Variants in SLC25A25 observed in about 807,000 individuals in gnomAD.
SLC25A25 encodes the protein mitochondrial adenyl nucleotide antiporter SLC25A25.
SLC25A25 carries 32 observed loss-of-function variants against 57.7 expected under a neutral mutation model. The observed-to-expected ratio is 0.55, with a 90% CI of 0.42 to 0.74. The LOEUF (loss-of-function observed/expected upper bound fraction) is 0.74, where lower values mean the gene tolerates loss of function less well. SLC25A25 is among the 30% of genes least tolerant of loss of function. The pLI, the probability that SLC25A25 is intolerant of heterozygous loss-of-function variation, is 0.00. For missense variants in SLC25A25, 556 were observed against 701.3 expected, an observed-to-expected ratio of 0.79 and a Z score of 2.34; for synonymous variants, 306 against 291.2, an observed-to-expected ratio of 1.05 and a Z score of -0.52.
chr9:128,097,171 G>A (rs1039819568), intron 1 of SLC25A25, among the ~76,000 whole-genome samples: 8 of 152,202 alleles, frequency 5.3e-5, no homozygotes, highest in African/African-American at 9.6e-5. Flanking sequence ...ATATTAGGAA[G>A]TGGCGCACTG....
chr9:128,106,045 T>C (rs1381224313), intron 7 of SLC25A25, 105 bp from the exon 8 acceptor site: 1 of 1,548,468 alleles, frequency 6.5e-7, no homozygotes, highest in African/African-American at 1.4e-5. Flanking sequence ...GTTCCTTACA[T>C]TTCTGGGTAG....
At chr9:128,071,567 A>AT (rs369801313) in intron 1 of SLC25A25, among the ~76,000 whole-genome samples, 100,857 of 137,650 alleles carry the variant, frequency 0.73, 37,511 homozygotes, top group Non-Finnish European at 0.8. Context: ...CGCCCTGCTA[A>AT]TTTTTTTTTT....
rs902547857 is a variant in SLC25A25, at chr9:128,101,465, C to T, written c.476+69C>T. ...AGGGAAGGCTCTGAGACTAACCCTC[C>T]GATGCCATTCCCTGGGCTGACCCTG... On this transcript the variant is annotated intron_variant, in intron 3 of 10. Transcript: ENST00000373069. The surrounding 1 kb of genome is among the most constrained non-coding windows in gnomAD (Gnocchi z 4.9). 6.1e-5 allele frequency: 94 copies of T among 1,534,868 alleles called. No homozygotes were observed. Among genetic ancestry groups the T allele is most frequent in the Admixed American group, 2.8e-4 (16 of 56,260 alleles).
At chr9:128,091,590 C>T (rs1833408319) in intron 1 of SLC25A25, 1 of 1,105,914 alleles carries the variant, frequency 9.0e-7, no homozygotes, top group African/African-American at 1.6e-5. Context: ...TGCTCACCAT[C>T]ACCTGCAGAA....
Position 128,103,683 on chromosome 9 carries a change from C to A in SLC25A25, c.627C>A (p.Ile209=), listed in dbSNP as rs1348078574. The change falls in exon 6 of 11, where the codon ATC becomes ATA. Residue 209 remains isoleucine (I), a splice_region_variant and synonymous_variant. Coordinates refer to ENST00000373069, the MANE Select transcript of SLC25A25 (RefSeq NM_001330988.2). This position sits in a 1 kb window ranked among gnomAD's most constrained non-coding sequence, Gnocchi z 6.7. Reference sequence around the variant, plus strand: ...GCTTGTGCCATCTTTCCTCACAGATCTTTGATGTGGGTGAGAATCTAACGG... The same window carrying A: ...GCTTGTGCCATCTTTCCTCACAGATATTTGATGTGGGTGAGAATCTAACGG... ...EIILYWKHST[I]FDVGENLTVP... The A allele has an allele frequency of 6.2e-7, 1 of 1,614,076 alleles. No homozygotes were observed. Among genetic ancestry groups the A allele is most frequent in the African/African-American group, 1.3e-5 (1 of 74,936 alleles).
chr9:128,098,743 G>T lies in SLC25A25; in HGVS notation c.262-2353G>T, dbSNP rs575511708. On this transcript the variant is annotated intron_variant, in intron 1 of 10. Transcript: ENST00000373069. Reference sequence around the variant, plus strand: ...GGAAGCAGGTCTGTGGGGTGACCGCGCGGAAGGGAGAGGCGCATTCAACCG... The same window carrying T: ...GGAAGCAGGTCTGTGGGGTGACCGCTCGGAAGGGAGAGGCGCATTCAACCG... 20 of 1,612,654 alleles carry T rather than the reference G, an allele frequency of 1.2e-5. No homozygotes were observed. In the African/African-American group the frequency reaches 1.5e-4, roughly 12 times the overall value.
intron 1 of SLC25A25, among the ~76,000 whole-genome samples, chr9:128,084,452 C>T (rs1247865457): frequency 6.6e-6 from 1 of 151,998 alleles, no homozygotes; most frequent in Non-Finnish European, 1.5e-5. Flanking sequence ...CGTGAGCCAC[C>T]GCGCCTGGCC....
intron 1 of SLC25A25, among the ~76,000 whole-genome samples, chr9:128,084,414 C>T (rs1056069647): frequency 1.3e-5 from 2 of 152,180 alleles, no homozygotes; most frequent in Admixed American, 6.5e-5. Flanking sequence ...GCGCCCACCT[C>T]GGCCTCCCAA....
chr9:128,101,143 T>C lies in SLC25A25; in HGVS notation c.309T>C (p.Phe103=), dbSNP rs912290081. Residue 103 remains phenylalanine, a synonymous_variant, in exon 2 of 11, where the codon TTT becomes TTC. Transcript: ENST00000373069. This position sits in a 1 kb window ranked among gnomAD's most constrained non-coding sequence, Gnocchi z 4.9. ...GDKDLDGQLD[F]EEFVHYLQDH... Reference sequence around the variant, plus strand: ...AGGACCTTGATGGGCAGCTAGACTTTGAAGAATTTGTCCATTATCTCCAAG... The same window carrying C: ...AGGACCTTGATGGGCAGCTAGACTTCGAAGAATTTGTCCATTATCTCCAAG... 4.3e-6 allele frequency: 7 copies of C among 1,614,150 alleles called. No homozygotes were observed. The African/African-American group carries it at 9.3e-5, about 22-fold the overall frequency.
Position 128,108,843 on chromosome 9 carries a change from A to G in SLC25A25, c.*1399A>G, listed in dbSNP as rs1485180485. The G allele has an allele frequency of 2.6e-5, 4 of 152,178 alleles. No homozygotes were observed. The highest frequency in any genetic ancestry group is 1.9e-4 in the East Asian group (1 of 5,186). The allele number at this position is 152,178 out of a possible 1,614,324, so 9.4% of individuals were successfully genotyped here. ...AGGGTTTGACTGGGGGCGTGGAGAGAGAGGGAGGAACCTCAATAACCTTGA... is the reference window on the plus strand; with the variant it reads ...AGGGTTTGACTGGGGGCGTGGAGAGGGAGGGAGGAACCTCAATAACCTTGA... On this transcript the variant is annotated 3_prime_UTR_variant, in exon 11 of 11. Coordinates refer to ENST00000373069, the MANE Select transcript of SLC25A25 (RefSeq NM_001330988.2).
At chr9:128,087,768 T>C (rs1281991970) in intron 1 of SLC25A25, among the ~76,000 whole-genome samples, 2 of 152,362 alleles carry the variant, frequency 1.3e-5, no homozygotes, top group Non-Finnish European at 2.9e-5. Flanking sequence ...GAAGCTTCTA[T>C]TGCTGTGTCT....
intron 1 of SLC25A25, among the ~76,000 whole-genome samples, chr9:128,090,210 T>TTTTTTTG (rs778888024): frequency 4.0e-4 from 61 of 152,208 alleles, no homozygotes; most frequent in African/African-American, 1.3e-3. Flanking sequence ...CAAGTTGGTT[T>TTTTTTTG]TTTTTTGTTT....
intron 1 of SLC25A25, among the ~76,000 whole-genome samples, chr9:128,073,656 T>A (rs921280562): frequency 2.0e-5 from 3 of 152,208 alleles, no homozygotes; most frequent in Non-Finnish European, 2.9e-5. Context: ...TTGGATTAAA[T>A]TCATATATTA....
At chr9:128,086,859 C>T (rs1833287208) in intron 1 of SLC25A25, among the ~76,000 whole-genome samples, 1 of 152,190 alleles carries the variant, frequency 6.6e-6, no homozygotes, top group African/African-American at 2.4e-5. Flanking sequence ...TACTGTTACA[C>T]ACGTTATAAA....
chr9:128,103,956 C>A lies in SLC25A25; in HGVS notation c.783+117C>A. The A allele has an allele frequency of 9.2e-7, 1 of 1,083,428 alleles. No individual in the cohort carries two copies. Among genetic ancestry groups the A allele is most frequent in the Non-Finnish European group, 1.3e-6 (1 of 784,306 alleles). 67.1% of individuals were successfully genotyped at this position (1,083,428 alleles called of 1,614,324 possible). A position where few individuals can be genotyped will look rare whatever the true frequency, so the allele number is the denominator to read the frequency against. On this transcript the variant is annotated intron_variant, in intron 6 of 10. Coordinates refer to ENST00000373069, the MANE Select transcript of SLC25A25 (RefSeq NM_001330988.2). The surrounding 1 kb of genome is among the most constrained non-coding windows in gnomAD (Gnocchi z 6.7). ...TGCTTTGGGCCCAAACTTTTCTAAC[C>A]CAATAAATTAGACTAGAATTATTGC...
chr9:128,097,190 A>G (rs1170087087), intron 1 of SLC25A25, among the ~76,000 whole-genome samples: 1 of 152,244 alleles, frequency 6.6e-6, no homozygotes, highest in Non-Finnish European at 1.5e-5. Flanking sequence ...TGTAGAAGGA[A>G]CAAGGGTGAG....
At chr9:128,098,513 TA>T in intron 1 of SLC25A25, 1 of 1,566,124 alleles carries the variant, frequency 6.4e-7, no homozygotes, top group East Asian at 2.3e-5. Flanking sequence ...CGGCAGCATT[TA>T]GGGAACTTGC....
In SLC25A25 at chr9:128,102,286, T is replaced by C; in HGVS notation, c.513-84T>C. On this transcript the variant is annotated intron_variant, in intron 4 of 10. Coordinates refer to ENST00000373069, the MANE Select transcript of SLC25A25 (RefSeq NM_001330988.2). The surrounding 1 kb of genome is among the most constrained non-coding windows in gnomAD (Gnocchi z 4.1). ...TGTGGTTTCTGGGCATCCGAATGCCTGCCCTTGGCTCACTGGGAGGTGGGG... is the reference window on the plus strand; with the variant it reads ...TGTGGTTTCTGGGCATCCGAATGCCCGCCCTTGGCTCACTGGGAGGTGGGG... 6 of 1,452,856 alleles carry C rather than the reference T, an allele frequency of 4.1e-6. No individual in the cohort carries two copies. Among genetic ancestry groups the C allele is most frequent in the African/African-American group, 1.4e-5 (1 of 71,590 alleles). The allele number at this position is 1,452,856 out of a possible 1,614,324, so 90.0% of individuals were successfully genotyped here. A position where few individuals can be genotyped will look rare whatever the true frequency, so the allele number is the denominator to read the frequency against.
rs1427047530 is a variant in SLC25A25 at position 128,102,051 on chromosome 9, C to T, written c.477-29C>T. 1.0e-5 allele frequency: 16 copies of T among 1,550,412 alleles called. No individual in the cohort carries two copies. Among genetic ancestry groups the T allele is most frequent in the East Asian group, 2.4e-5 (1 of 40,932 alleles). Reference sequence around the variant, plus strand: ...CACTTATGCGTGTTGTTTCTGCTCTCTCCTCCGCATCCTTTGTCTGTCTGT... The same window carrying T: ...CACTTATGCGTGTTGTTTCTGCTCTTTCCTCCGCATCCTTTGTCTGTCTGT... On this transcript the variant is annotated intron_variant, in intron 3 of 10. Coordinates refer to ENST00000373069, the MANE Select transcript of SLC25A25 (RefSeq NM_001330988.2). This position sits in a 1 kb window ranked among gnomAD's most constrained non-coding sequence, Gnocchi z 4.1.
Sources: allele counts gnomAD v4.1 joint callset (sites outside exome capture counted in the v4.1 genomes callset), GRCh38; gene constraint gnomAD v4.1.1; non-coding constraint Gnocchi (gnomAD v3.1); transcripts MANE v1.5; gene names NCBI Gene and HGNC (gene_info 2026-07-23, HGNC 2026-07-21).